Variants in MYO16 observed in about 807,000 individuals in gnomAD.
MYO16 encodes myosin XVI.
In MYO16, 94 loss-of-function variants were observed where a neutral mutation model predicts 205.3. That is an observed-to-expected ratio of 0.46 (90% confidence interval 0.39 to 0.54). The LOEUF is 0.54. MYO16 is among the 20% of genes least tolerant of loss of function. The pLI is 0.00. For missense variants in MYO16, 2,315 were observed against 2,387.5 expected, an observed-to-expected ratio of 0.97 and a Z score of 0.63; for synonymous variants, 988 against 954.0, an observed-to-expected ratio of 1.04 and a Z score of -0.66.
At chr13:109,154,075 G>A (rs999366958) in intron 32 of MYO16, among the ~76,000 whole-genome samples, 2 of 152,196 alleles carry the variant, frequency 1.3e-5, no homozygotes, top group South Asian at 2.1e-4. Flanking sequence ...TCAAAGACAC[G>A]GTCCATGTAG....
chr13:108,505,814 T>C, the MYO16 span, among the ~76,000 whole-genome samples: 500 of 150,794 alleles, frequency 3.3e-3, 3 homozygotes, highest in African/African-American at 0.012. Context: ...ACATTTTGTC[T>C]TTAATCCATT....
At chr13:109,096,712 A>G (rs1316539729) in intron 27 of MYO16, among the ~76,000 whole-genome samples, 1 of 119,776 alleles carries the variant, frequency 8.3e-6, no homozygotes, top group East Asian at 2.2e-4. Context: ...AAGCTAGGAG[A>G]CACCATAAAA....
chr13:108,736,188 C>G (rs1335171828), intron 4 of MYO16, among the ~76,000 whole-genome samples: 1 of 152,138 alleles, frequency 6.6e-6, no homozygotes, highest in Non-Finnish European at 1.5e-5. Context: ...GTTGCTGTTG[C>G]TTTTGATGTT....
At chr13:108,965,775 A>G (rs1001244610) in intron 20 of MYO16, among the ~76,000 whole-genome samples, 1 of 152,160 alleles carries the variant, frequency 6.6e-6, no homozygotes, top group African/African-American at 2.4e-5. Context: ...TCCATTACAT[A>G]TTATCAGTGG....
rs774060871 is a variant in MYO16 at position 108,883,110 on chromosome 13, C to A, written c.1477C>A (p.Pro493Thr). ...AGGGAAGCTGTGTTCCTCGCTGCCT[C>A]CTCACCTCTTCTCCTGTGTGGAGAG... ...SSGKLCSSLP[P>T]HLFSCVERAF... Residue 493 changes from proline (P) to threonine (T), a missense_variant, in exon 13 of 35, where the codon CCT (proline) becomes ACT (threonine). Physicochemically the swap from Pro to Thr is conservative, Grantham distance 38 (BLOSUM62 -1). Around this residue, in one of 3 missense-constraint regions of MYO16, gnomAD observed 1,213 missense variants for 1,274.4 expected, o/e 0.95. Transcript: ENST00000457511. 1 of 1,614,124 alleles carries A rather than the reference C, an allele frequency of 6.2e-7. No homozygotes were observed. The highest frequency in any genetic ancestry group is 1.7e-5 in the Admixed American group (1 of 60,020).
chr13:109,049,706 A>G (rs994199318), intron 24 of MYO16, among the ~76,000 whole-genome samples: 6 of 151,662 alleles, frequency 4.0e-5, no homozygotes, highest in African/African-American at 7.2e-5. Context: ...TAGACCTGCT[A>G]TAACTATAAA....
the MYO16 span, among the ~76,000 whole-genome samples, chr13:108,586,580 G>A: frequency 3.3e-5 from 5 of 152,278 alleles, no homozygotes; most frequent in South Asian, 6.2e-4. Flanking sequence ...ATGCAAAGTG[G>A]TCACTCTTAA....
At chr13:108,713,832 G>A (rs373013481) in intron 3 of MYO16, among the ~76,000 whole-genome samples, 130 of 152,248 alleles carry the variant, frequency 8.5e-4, no homozygotes, top group African/African-American at 2.9e-3. Flanking sequence ...GAGATTTCAA[G>A]GTAACGTTTT....
intron 16 of MYO16, among the ~76,000 whole-genome samples, chr13:108,945,955 G>A (rs771740913): frequency 3.0e-4 from 46 of 152,258 alleles, no homozygotes; most frequent in South Asian, 1.7e-3. Context: ...CTTCCCCCAT[G>A]ATATCCTGAA....
chr13:109,201,957 C>CATAT (rs370985581), intron 34 of MYO16, among the ~76,000 whole-genome samples: 5 of 150,258 alleles, frequency 3.3e-5, no homozygotes, highest in African/African-American at 7.3e-5. Context: ...AGTATTCCAT[C>CATAT]ATATATATAT....
chr13:108,921,866 G>T (rs1019686289), intron 16 of MYO16, among the ~76,000 whole-genome samples: 1 of 152,248 alleles, frequency 6.6e-6, no homozygotes, highest in Admixed American at 6.5e-5. Flanking sequence ...TAGGCCAGGA[G>T]TAGCCTCAGA....
chr13:108,771,588 C>G (rs988211672), intron 4 of MYO16, among the ~76,000 whole-genome samples: 5 of 152,050 alleles, frequency 3.3e-5, no homozygotes, highest in African/African-American at 9.7e-5. Flanking sequence ...TGGATCCACC[C>G]GTACAGAAAT....
intron 16 of MYO16, among the ~76,000 whole-genome samples, chr13:108,954,337 T>A (rs1883266808): frequency 6.6e-6 from 1 of 152,118 alleles, no homozygotes; most frequent in Non-Finnish European, 1.5e-5. Flanking sequence ...ATTATTAACC[T>A]GTGCAATGAT....
chr13:108,569,938 GA>G, the MYO16 span, among the ~76,000 whole-genome samples: 1 of 152,218 alleles, frequency 6.6e-6, no homozygotes, highest in East Asian at 1.9e-4. Flanking sequence ...ATTGTTGATT[GA>G]TTTTCATATA....
At chr13:108,672,215 T>A (rs1447864377) in intron 2 of MYO16, among the ~76,000 whole-genome samples, 1 of 152,152 alleles carries the variant, frequency 6.6e-6, no homozygotes, top group Non-Finnish European at 1.5e-5. Flanking sequence ...CTCCCAAAAA[T>A]GCACATAAGA....
intron 2 of MYO16, among the ~76,000 whole-genome samples, chr13:108,674,347 T>C (rs575514942): frequency 6.6e-6 from 1 of 151,972 alleles, no homozygotes; most frequent in African/African-American, 2.4e-5. Context: ...TAAGCTTATT[T>C]AAAAAAAAAT....
intron 27 of MYO16, among the ~76,000 whole-genome samples, chr13:109,057,478 T>G (rs572446115): frequency 6.6e-6 from 1 of 152,218 alleles, no homozygotes; most frequent in African/African-American, 2.4e-5. Flanking sequence ...CAGAAATAAA[T>G]CAAAGCTGGA....
At chr13:108,862,139 C>T (rs529661195) in intron 11 of MYO16, among the ~76,000 whole-genome samples, 2 of 152,156 alleles carry the variant, frequency 1.3e-5, no homozygotes, top group East Asian at 1.9e-4. Flanking sequence ...CTCAAAAGAT[C>T]GAAATCCTCA....
the MYO16 span, among the ~76,000 whole-genome samples, chr13:108,579,483 C>T: frequency 6.6e-6 from 1 of 151,030 alleles, no homozygotes; most frequent in Non-Finnish European, 1.5e-5. Flanking sequence ...CTCTGTCACC[C>T]AGATTAGAGT....
Sources: gnomAD v4.1 joint callset for allele counts (sites outside exome capture counted in the v4.1 genomes callset) on GRCh38, gnomAD v4.1.1 for gene constraint, gnomAD v4.1.1 regional missense constraint, MANE v1.5 for transcripts, NCBI Gene and HGNC (gene_info 2026-07-23, HGNC 2026-07-21) for gene names.